ARSF: variants seen among roughly 807,000 people sequenced by gnomAD.
The protein encoded by ARSF is arylsulfatase F.
ARSF carries 33 observed loss-of-function variants against 35.4 expected under a neutral mutation model. That is an observed-to-expected ratio of 0.93 (90% CI 0.71 to 1.25). The LOEUF (loss-of-function observed/expected upper bound fraction) is 1.25. Ranked by LOEUF, ARSF falls within the 50% of genes most tolerant of loss-of-function variation. The pLI, the probability that ARSF is intolerant of heterozygous loss-of-function variation, is 0.00. For synonymous variants in ARSF, 222 were observed against 193.1 expected (o/e 1.15, Z -1.24); for missense variants, 501 against 480.2 (o/e 1.04, Z -0.40).
chrX:3,090,588 A>G (rs771241147), intron 7 of ARSF, among the ~76,000 whole-genome samples: 1 of 112,276 alleles, frequency 8.9e-6, no homozygotes, highest in South Asian at 3.8e-4. Context: ...GGATTGCTTG[A>G]GCCCATAAAT....
intron 10 of ARSF, among the ~76,000 whole-genome samples, chrX:3,111,135 TTTC>T (rs1172004557): frequency 9.2e-6 from 1 of 108,834 alleles, no homozygotes. Flanking sequence ...GCTTTCTTTC[TTTC>T]TTTTTTTTTT....
At chrX:3,063,950 C>T (rs977383094) in intron 1 of ARSF, among the ~76,000 whole-genome samples, 5 of 111,909 alleles carry the variant, frequency 4.5e-5, no homozygotes, top group Middle Eastern at 4.6e-3. Context: ...TTGGGAAAAA[C>T]GACTTTAAAG....
intron 8 of ARSF, among the ~76,000 whole-genome samples, chrX:3,102,875 G>A (rs1053506330): frequency 1.3e-4 from 14 of 109,100 alleles, no homozygotes; most frequent in Non-Finnish European, 2.5e-4. Context: ...TAGCACCACT[G>A]CACTCCAGCC....
At chrX:3,093,021 A>C (rs1286915499) in intron 7 of ARSF, among the ~76,000 whole-genome samples, 14 of 105,457 alleles carry the variant, frequency 1.3e-4, no homozygotes, top group Non-Finnish European at 2.5e-4. Flanking sequence ...ATATACAAAC[A>C]CATCCGTGGT....
intron 9 of ARSF, among the ~76,000 whole-genome samples, chrX:3,108,677 T>G (rs1876794581): frequency 1.8e-5 from 2 of 112,128 alleles, no homozygotes; most frequent in African/African-American, 6.5e-5. Flanking sequence ...ATAATTAACA[T>G]AGGAAATCAT....
rs776586945 is a variant in ARSF, at chrX:3,099,209, C to T, written c.968-1878C>T. On this transcript the variant is annotated intron_variant, in intron 7 of 10. Coordinates refer to ENST00000381127, the MANE Select transcript of ARSF (RefSeq NM_001201539.2). ...CATCATCACTGCGAATCATCAAAAT[C>T]GGGAAATTAACATGGGTGGATTCTT... Among the ~76,000 whole-genome samples the T allele has an allele frequency of 7.2e-5, 8 of 111,855 alleles. No individual in the cohort carries two copies. In the East Asian group the frequency reaches 8.4e-4, roughly 12 times the overall value.
intron 1 of ARSF, among the ~76,000 whole-genome samples, chrX:3,045,312 CAGA>C (rs931310632): frequency 2.0e-4 from 22 of 111,257 alleles, no homozygotes; most frequent in Non-Finnish European, 3.6e-4. Context: ...AGGTTGAGAG[CAGA>C]AGTTTAGTAG....
chrX:3,085,986 A>G (rs898801346), intron 6 of ARSF, among the ~76,000 whole-genome samples: 1 of 110,336 alleles, frequency 9.1e-6, no homozygotes, highest in African/African-American at 3.3e-5. Flanking sequence ...ACGCCATTGC[A>G]CTCCAGCCTG....
chrX:3,083,884 C>T (rs146108568), intron 5 of ARSF, among the ~76,000 whole-genome samples: 3,606 of 111,462 alleles, frequency 0.032, 49 homozygotes, highest in Middle Eastern at 0.06. Flanking sequence ...CTGTAACCTG[C>T]CTTGCCTCTG....
chrX:3,089,781 C>G, intron 7 of ARSF, 149 bp downstream of exon 7: 1 of 590,221 alleles, frequency 1.7e-6, no homozygotes. Context: ...TAGTTGCTAG[C>G]AATTGAGAAA....
rs752591008 is a variant in ARSF at position 3,089,556 on chromosome X, C to T, written c.891C>T (p.Pro297=). 8.3e-7 allele frequency: 1 copy of T among 1,211,606 alleles called. No homozygotes were observed. Among genetic ancestry groups the T allele is most frequent in the Admixed American group, 2.2e-5 (1 of 46,037 alleles). The change falls in exon 7 of 11, where the codon CCC becomes CCT. Residue 297 remains proline (P), a synonymous_variant. Coordinates refer to ENST00000381127, the MANE Select transcript of ARSF (RefSeq NM_001201539.2). ...FSFLHVHTPL[P]TTDDFTGTSK... ...TTCTTCACGTGCACACACCTCTCCC[C>T]ACCACGGACGATTTCACTGGCACCA...
rs140325458 is a variant in ARSF at position 3,061,893 on chromosome X, C to T, written c.-28-6180C>T. On this transcript the variant is annotated intron_variant, in intron 1 of 10. Coordinates refer to ENST00000381127, the MANE Select transcript of ARSF (RefSeq NM_001201539.2). ...CCACTGTCAATATTAGACAGATCAA[C>T]GAGACAGAAGGTTAACAAGGATATC... Among the ~76,000 whole-genome samples the T allele has an allele frequency of 3.8e-3, 418 of 110,663 alleles. 2 individuals carry two copies. The highest frequency in any genetic ancestry group is 0.011 in the African/African-American group (337 of 30,598).
intron 1 of ARSF, 53 bp from the exon 2 acceptor site, chrX:3,068,020 C>CTTTT: frequency 4.0e-6 from 3 of 756,841 alleles, no homozygotes; most frequent in South Asian, 3.0e-5. Context: ...ATGAATGATA[C>CTTTT]TTTTTTTTTT....
chrX:3,099,013 C>T (rs947626967), intron 7 of ARSF, among the ~76,000 whole-genome samples: 30 of 110,623 alleles, frequency 2.7e-4, no homozygotes, highest in South Asian at 1.2e-3. Flanking sequence ...TATCTTCTCT[C>T]GCCCCTCTTC....
chrX:3,092,176 G>GATAC (rs776181940), intron 7 of ARSF, among the ~76,000 whole-genome samples: 7,361 of 41,039 alleles, frequency 0.18, 234 homozygotes, highest in Non-Finnish European at 0.2. Context: ...ATGATAGATA[G>GATAC]ATACATACAT....
intron 1 of ARSF, among the ~76,000 whole-genome samples, chrX:3,054,928 T>C (rs905828247): frequency 9.6e-6 from 1 of 104,106 alleles, no homozygotes; most frequent in Non-Finnish European, 1.9e-5. Flanking sequence ...AGAGACAGGG[T>C]TTCACCATAT....
At position 3,104,145 on chromosome X, in the gene ARSF, T is replaced by A. The variant is rs773950577; in HGVS notation, c.1265+221T>A. Among the ~76,000 whole-genome samples, 4 of 111,971 alleles carry A rather than the reference T, an allele frequency of 3.6e-5. No homozygotes were observed. In the East Asian group the frequency reaches 1.1e-3, roughly 32 times the overall value. On this transcript the variant is annotated intron_variant, in intron 9 of 10. Coordinates refer to ENST00000381127, the MANE Select transcript of ARSF (RefSeq NM_001201539.2). ...TAAAATATACATATATAATTTACCA[T>A]CTTTACCATTTTTCAGTATACAGTT...
rs1421323232 is a variant in ARSF at position 3,062,033 on chromosome X, A to G, written c.-28-6040A>G. 3.6e-5 allele frequency among the ~76,000 whole-genome samples: 4 copies of G among 111,861 alleles called. 1 individual carries two copies. Among genetic ancestry groups the G allele is most frequent in the Non-Finnish European group, 7.5e-5 (4 of 53,252 alleles). ...AGCACCACATCACACTTATTCAAAAATTGACCACATAGTTGGAAGTAAAGC... is the reference window on the plus strand; with the variant it reads ...AGCACCACATCACACTTATTCAAAAGTTGACCACATAGTTGGAAGTAAAGC... On this transcript the variant is annotated intron_variant, in intron 1 of 10. Coordinates refer to ENST00000381127, the MANE Select transcript of ARSF (RefSeq NM_001201539.2).
intron 1 of ARSF, among the ~76,000 whole-genome samples, chrX:3,058,839 T>C (rs1359245710): frequency 1.8e-5 from 2 of 111,438 alleles, no homozygotes; most frequent in Non-Finnish European, 3.8e-5. Context: ...CCAACTTGGG[T>C]GACAGAATGA....
Sources: allele counts gnomAD v4.1 joint callset (sites outside exome capture counted in the v4.1 genomes callset), GRCh38; gene constraint gnomAD v4.1.1; transcripts MANE v1.5; gene names NCBI Gene and HGNC (gene_info 2026-07-23, HGNC 2026-07-21).